The following ZMYND19 variants were observed in gnomAD, a reference collection of about 807,000 sequenced individuals.
ZMYND19 encodes the protein zinc finger MYND domain-containing protein 19.
Under a neutral mutation model 32.0 loss-of-function variants are expected in ZMYND19, and 17 were observed. The observed-to-expected ratio is 0.53, with a 90% CI of 0.36 to 0.80. ZMYND19 has a LOEUF of 0.80. Ranked by LOEUF, ZMYND19 falls within the 30% of genes least tolerant of loss-of-function variation. The pLI is 0.00. For synonymous variants in ZMYND19, 124 were observed against 113.6 expected, an observed-to-expected ratio of 1.09 and a Z score of -0.58; for missense variants, 250 against 293.6, an observed-to-expected ratio of 0.85 and a Z score of 1.09.
intron 2 of ZMYND19, among the ~76,000 whole-genome samples, 173 bp from the exon 3 acceptor site, chr9:137,587,996 C>T (rs1842225183): frequency 1.3e-5 from 2 of 152,226 alleles, no homozygotes; most frequent in Admixed American, 1.3e-4. Flanking sequence ...TCCCAGGGGC[C>T]AGCGTGGCCC....
chr9:137,582,287 A>C lies in ZMYND19; in HGVS notation c.*256T>G, dbSNP rs1488679812. On this transcript the variant is annotated 3_prime_UTR_variant, in exon 6 of 6. Coordinates refer to ENST00000298585, the MANE Select transcript of ZMYND19 (RefSeq NM_138462.3). ...TTGCCTCCCCCCCAAAAAAAACTGT[A>C]CATGAGTTTACAAACATATTAACAT... 1.3e-5 allele frequency: 5 copies of C among 397,444 alleles called. No homozygotes were observed. Among genetic ancestry groups the C allele is most frequent in the Non-Finnish European group, 1.3e-5 (3 of 223,340 alleles). 24.6% of individuals were successfully genotyped at this position (397,444 alleles called of 1,614,324 possible). A position where few individuals can be genotyped will look rare whatever the true frequency, so the allele number is the denominator to read the frequency against.
At chr9:137,585,553 C>CA (rs1842195105) in intron 4 of ZMYND19, among the ~76,000 whole-genome samples, 1 of 151,418 alleles carries the variant, frequency 6.6e-6, no homozygotes, top group Non-Finnish European at 1.5e-5. Flanking sequence ...GAAAAAAAAA[C>CA]ACCAGCCCAA....
At chr9:137,583,784 A>G (rs566774375) in intron 4 of ZMYND19, among the ~76,000 whole-genome samples, 1 of 152,368 alleles carries the variant, frequency 6.6e-6, no homozygotes, top group Non-Finnish European at 1.5e-5. Flanking sequence ...GGACATGGGA[A>G]GATGTTGGTG....
intron 4 of ZMYND19, among the ~76,000 whole-genome samples, chr9:137,585,877 G>A (rs1366962624): frequency 1.3e-5 from 2 of 152,274 alleles, no homozygotes; most frequent in African/African-American, 4.8e-5. Context: ...TGCTAGGGCA[G>A]TTCGCACTGC....
rs114371787 is a variant in ZMYND19 at position 137,582,734 on chromosome 9, T to C, written c.541-48A>G. Reference sequence around the variant, plus strand: ...CTTCACCATCATGCCTGGGACGCAGTGTGGGGCAAAGGCTGCGTCTTACGG... The same window carrying C: ...CTTCACCATCATGCCTGGGACGCAGCGTGGGGCAAAGGCTGCGTCTTACGG... On this transcript the variant is annotated intron_variant, in intron 5 of 5. Coordinates refer to ENST00000298585, the MANE Select transcript of ZMYND19 (RefSeq NM_138462.3). 1.7e-3 allele frequency: 2,737 copies of C among 1,598,592 alleles called. 42 individuals are homozygous for C. The African/African-American group carries it at 0.032, about 19-fold the overall frequency.
rs776870780 is a variant in ZMYND19 at position 137,582,518 on chromosome 9, T to G, written c.*25A>C. 3.7e-6 allele frequency: 6 copies of G among 1,601,994 alleles called. No individual in the cohort carries two copies. The highest frequency in any genetic ancestry group is 2.2e-4 in the Middle Eastern group (1 of 4,590). On this transcript the variant is annotated 3_prime_UTR_variant, in exon 6 of 6. Transcript: ENST00000298585. ...TGCCCAGGGTAGAGCCCGGGGGCTG[T>G]GAGTATGTGTGGCTCCCCTGCCCGT...
intron 4 of ZMYND19, among the ~76,000 whole-genome samples, chr9:137,586,596 C>G (rs1842207749): frequency 6.6e-6 from 1 of 152,122 alleles, no homozygotes; most frequent in Non-Finnish European, 1.5e-5. Context: ...AGGAAGGAAT[C>G]CTGAGGTGAG....
In ZMYND19 at chr9:137,582,508, C is replaced by A. The variant is rs1201028535; in HGVS notation, c.*35G>T. On this transcript the variant is annotated 3_prime_UTR_variant, in exon 6 of 6. Transcript: ENST00000298585. The stretch of plus-strand genomic sequence containing the variant: ...GTCTCTGCTGTGCCCAGGGTAGAGC[C>A]CGGGGGCTGTGAGTATGTGTGGCTC... 1 of 1,603,318 alleles carries A rather than the reference C, an allele frequency of 6.2e-7. No individual in the cohort carries two copies. The highest frequency in any genetic ancestry group is 1.7e-5 in the Admixed American group (1 of 59,654).
At position 137,589,673 on chromosome 9, in the gene ZMYND19, G is replaced by A. The variant is rs982587986; in HGVS notation, c.51+540C>T. 13 of 985,372 alleles carry A rather than the reference G, an allele frequency of 1.3e-5. No individual in the cohort carries two copies. In the South Asian group the frequency reaches 4.7e-4, roughly 36 times the overall value. The allele number at this position is 985,372 out of a possible 1,614,324, so 61.0% of individuals were successfully genotyped here. On this transcript the variant is annotated intron_variant, in intron 1 of 5. Coordinates refer to ENST00000298585, the MANE Select transcript of ZMYND19 (RefSeq NM_138462.3). Reference sequence around the variant, plus strand: ...GCTTCTTCCTCTCTGCTCCGAGTCTGAGGCTCAGCCTAACGTGGCCAACCC... The same window carrying A: ...GCTTCTTCCTCTCTGCTCCGAGTCTAAGGCTCAGCCTAACGTGGCCAACCC...
Position 137,587,070 on chromosome 9 carries a change from C to G in ZMYND19, c.256G>C (p.Val86Leu). The G allele has an allele frequency of 1.2e-6, 2 of 1,609,558 alleles. No homozygotes were observed. Among genetic ancestry groups the G allele is most frequent in the Non-Finnish European group, 1.7e-6 (2 of 1,180,008 alleles). The change falls in exon 4 of 6, where the codon GTG becomes CTG. Residue 86 changes from valine to leucine, a missense_variant. Val to Leu is a conservative substitution (Grantham distance 32). Transcript: ENST00000298585. ...HRGGVAPGFQ[V>L]VHLNAVTVDN... ...ACGGTCACAGCGTTGAGGTGCACCA[C>G]CTGGAAGCCCGGGGCCACGCCCCCC... is the stretch of plus-strand genomic sequence containing the variant.
At position 137,590,074 on chromosome 9, in the gene ZMYND19, C is replaced by G; in HGVS notation, c.51+139G>C. 5.1e-6 allele frequency: 5 copies of G among 983,518 alleles called. No homozygotes were observed. The South Asian group carries it at 2.3e-4, about 46-fold the overall frequency. The allele number at this position is 983,518 out of a possible 1,614,324, so 60.9% of individuals were successfully genotyped here. A position where few individuals can be genotyped will look rare whatever the true frequency, so the allele number is the denominator to read the frequency against. On this transcript the variant is annotated intron_variant, in intron 1 of 5. Coordinates refer to ENST00000298585, the MANE Select transcript of ZMYND19 (RefSeq NM_138462.3). This position sits in a 1 kb window ranked among gnomAD's most constrained non-coding sequence, Gnocchi z 4.2. ...CGCGCGGGGCCAGCAGCCGGGCCCG[C>G]GCAGCGTCCCCCGCCCCGCTGGGGC...
intron 5 of ZMYND19, 83 bp downstream of exon 5, chr9:137,582,900 C>T (rs534322041): frequency 1.1e-5 from 18 of 1,565,282 alleles, no homozygotes; most frequent in East Asian, 6.7e-5. Flanking sequence ...AATGGGACCC[C>T]GCGGTGGAGG....
chr9:137,587,313 G>C, intron 3 of ZMYND19: 1 of 813,220 alleles, frequency 1.2e-6, no homozygotes, highest in Non-Finnish European at 1.9e-6. Flanking sequence ...AAACAGGACA[G>C]GGACACAGGG....
chr9:137,582,909 G>C (rs1001900751), intron 5 of ZMYND19, 74 bp downstream of exon 5: 25 of 1,578,076 alleles, frequency 1.6e-5, no homozygotes, highest in Non-Finnish European at 2.2e-5. Flanking sequence ...CCGCGGTGGA[G>C]GGCAAGATCC....
At chr9:137,583,506 G>GC (rs1262796034) in intron 4 of ZMYND19, among the ~76,000 whole-genome samples, 2 of 152,136 alleles carry the variant, frequency 1.3e-5, no homozygotes, top group Non-Finnish European at 2.9e-5. Context: ...GCCCATTACT[G>GC]CCCCGTCGGT....
At chr9:137,589,409 G>A in intron 1 of ZMYND19, 6 of 985,398 alleles carry the variant, frequency 6.1e-6, no homozygotes, top group Middle Eastern at 5.2e-4. Flanking sequence ...TTTACCTGAC[G>A]CCGCCTGACA....
intron 2 of ZMYND19, among the ~76,000 whole-genome samples, chr9:137,588,234 C>T (rs1842228221): frequency 6.6e-6 from 1 of 152,172 alleles, no homozygotes; most frequent in African/African-American, 2.4e-5. Context: ...GGCAGGAAGA[C>T]CCCATGAGAG....
chr9:137,588,634 G>A (rs535356465), intron 2 of ZMYND19, 25 bp downstream of exon 2: 5 of 1,613,670 alleles, frequency 3.1e-6, no homozygotes, highest in South Asian at 1.1e-5. Context: ...GAGCATCAGG[G>A]GAGGGAACAG....
At position 137,590,178 on chromosome 9, in the gene ZMYND19, G is replaced by A; in HGVS notation, c.51+35C>T. 4.8e-6 allele frequency: 5 copies of A among 1,048,314 alleles called. No homozygotes were observed. The South Asian group carries it at 1.2e-4, about 24-fold the overall frequency. 64.9% of individuals were successfully genotyped at this position (1,048,314 alleles called of 1,614,324 possible). On this transcript the variant is annotated intron_variant, in intron 1 of 5. Coordinates refer to ENST00000298585, the MANE Select transcript of ZMYND19 (RefSeq NM_138462.3). The surrounding 1 kb of genome is among the most constrained non-coding windows in gnomAD (Gnocchi z 4.2). ...GCCCCGCGCGGAGGCCTGGACGGGC[G>A]AGACGGGCCGGGTCGCGGGCTCCGC...
Sources: gnomAD v4.1 joint callset for allele counts (sites outside exome capture counted in the v4.1 genomes callset) on GRCh38, gnomAD v4.1.1 for gene constraint, Gnocchi (gnomAD v3.1) non-coding constraint, MANE v1.5 for transcripts, NCBI Gene and HGNC (gene_info 2026-07-23, HGNC 2026-07-21) for gene names.